The following SLC9A9 variants were observed in gnomAD, a reference collection of about 807,000 sequenced individuals.
The protein encoded by SLC9A9 is sodium/hydrogen exchanger 9.
A neutral mutation model predicts 77.8 loss-of-function variants in SLC9A9; 62 were observed. The ratio of observed to expected loss-of-function variants is 0.80; its 90% confidence interval spans 0.65 to 0.98. SLC9A9 has a LOEUF of 0.98. Ranked by LOEUF, SLC9A9 falls within the 50% of genes least tolerant of loss-of-function variation. The pLI is 0.00. For synonymous variants in SLC9A9, 320 were observed against 283.5 expected (o/e 1.13, Z -1.29); for missense variants, 775 against 774.9 (o/e 1.00, Z 0.00).
chr3:143,800,201 C>A (rs2008513313), intron 2 of SLC9A9, among the ~76,000 whole-genome samples: 1 of 152,164 alleles, frequency 6.6e-6, no homozygotes, highest in Non-Finnish European at 1.5e-5. Context: ...CCTCTGCTCC[C>A]TCCTTGGTGA....
At chr3:143,785,912 A>G (rs1202248545) in intron 4 of SLC9A9, among the ~76,000 whole-genome samples, 2 of 135,620 alleles carry the variant, frequency 1.5e-5, no homozygotes, top group Non-Finnish European at 3.1e-5. Flanking sequence ...GCTGGAGTGC[A>G]GTGGCGCGAT....
intron 6 of SLC9A9, among the ~76,000 whole-genome samples, chr3:143,581,726 G>A (rs1165624500): frequency 1.3e-5 from 2 of 152,162 alleles, no homozygotes; most frequent in African/African-American, 4.8e-5. Flanking sequence ...CTAACTATAA[G>A]GACAACAGGA....
At chr3:143,302,568 C>T (rs1465267384) in intron 14 of SLC9A9, among the ~76,000 whole-genome samples, 3 of 151,738 alleles carry the variant, frequency 2.0e-5, no homozygotes, top group Non-Finnish European at 4.4e-5. Context: ...CTGAAACAGC[C>T]AGATAAGAAG....
rs557367217 is a variant in SLC9A9, at chr3:143,772,089, C to T, written c.533+22912G>A. On this transcript the variant is annotated intron_variant, in intron 4 of 15. Transcript: ENST00000316549. ...CAATGGGAGGGGGGTGAGCAGAATGCTTCCCACTGCCTGAGAGTGGCACAG... is the reference window on the plus strand; with the variant it reads ...CAATGGGAGGGGGGTGAGCAGAATGTTTCCCACTGCCTGAGAGTGGCACAG... Among the ~76,000 whole-genome samples, 23 of 149,920 alleles carry T rather than the reference C, an allele frequency of 1.5e-4. No individual in the cohort carries two copies. In the East Asian group the frequency reaches 4.2e-3, roughly 27 times the overall value.
intron 1 of SLC9A9, chr3:143,847,447 T>C (rs780250225): frequency 6.6e-6 from 1 of 152,206 alleles, no homozygotes; most frequent in Non-Finnish European, 1.5e-5. Flanking sequence ...GAAAGAGCAA[T>C]ACTGCAGGTG....
chr3:143,723,145 C>A lies in SLC9A9; in HGVS notation c.534-29838G>T, dbSNP rs74775287. Among the ~76,000 whole-genome samples the A allele has an allele frequency of 1.5e-3, 231 of 152,194 alleles. 5 individuals are homozygous for A. In the East Asian group the frequency reaches 0.04, roughly 26 times the overall value. ...AAACCCAACAACACATAAATCTGCTCTGAGTTTCAGCATCTGCCTTCTTTA... is the reference window on the plus strand; with the variant it reads ...AAACCCAACAACACATAAATCTGCTATGAGTTTCAGCATCTGCCTTCTTTA... On this transcript the variant is annotated intron_variant, in intron 4 of 15. Coordinates refer to ENST00000316549, the MANE Select transcript of SLC9A9 (RefSeq NM_173653.4).
chr3:143,668,063 G>A (rs1055940555), intron 5 of SLC9A9, among the ~76,000 whole-genome samples: 3 of 151,742 alleles, frequency 2.0e-5, no homozygotes, highest in African/African-American at 7.3e-5. Context: ...ATTCACAATC[G>A]CAGACTTGGA....
intron 4 of SLC9A9, among the ~76,000 whole-genome samples, chr3:143,749,861 C>T (rs2006655833): frequency 6.6e-6 from 1 of 152,148 alleles, no homozygotes; most frequent in Non-Finnish European, 1.5e-5. Flanking sequence ...AAATCAGGAA[C>T]AAAAGGAAAG....
chr3:143,569,498 G>T (rs890396341), intron 8 of SLC9A9, among the ~76,000 whole-genome samples: 1 of 151,960 alleles, frequency 6.6e-6, no homozygotes, highest in African/African-American at 2.4e-5. Context: ...AATTCCAGTT[G>T]GTTTCTGATG....
intron 6 of SLC9A9, among the ~76,000 whole-genome samples, chr3:143,628,172 T>C (rs1178522421): frequency 6.6e-6 from 1 of 152,074 alleles, no homozygotes; most frequent in African/African-American, 2.4e-5. Flanking sequence ...GACAGCTAGA[T>C]GGAGGATGGA....
rs896292382 is a variant in SLC9A9 at position 143,822,713 on chromosome 3, A to G, written c.378+9306T>C. On this transcript the variant is annotated intron_variant, in intron 2 of 15. Coordinates refer to ENST00000316549, the MANE Select transcript of SLC9A9 (RefSeq NM_173653.4). ...AAATGTGCACTCTTGCCACAGTTTA[A>G]TATTTTAGAAGGAACAAAGCAATGG... 2.0e-5 allele frequency among the ~76,000 whole-genome samples: 3 copies of G among 152,378 alleles called. No individual in the cohort carries two copies. The East Asian group carries it at 5.8e-4, about 29-fold the overall frequency.
At chr3:143,757,816 C>T (rs2006974457) in intron 4 of SLC9A9, among the ~76,000 whole-genome samples, 1 of 151,900 alleles carries the variant, frequency 6.6e-6, no homozygotes, top group Non-Finnish European at 1.5e-5. Flanking sequence ...CTTTGTCTTA[C>T]ACTGGATTAG....
intron 2 of SLC9A9, among the ~76,000 whole-genome samples, chr3:143,800,181 G>C (rs1040006447): frequency 6.6e-6 from 1 of 151,928 alleles, no homozygotes; most frequent in African/African-American, 2.4e-5. Context: ...TAATCCACAG[G>C]TATGGGACAC....
At chr3:143,626,061 A>G (rs1171973941) in intron 6 of SLC9A9, among the ~76,000 whole-genome samples, 1 of 152,228 alleles carries the variant, frequency 6.6e-6, no homozygotes, top group Non-Finnish European at 1.5e-5. Context: ...CAAAACCACA[A>G]TGAGATACCA....
chr3:143,635,039 C>T (rs996358443), intron 6 of SLC9A9, among the ~76,000 whole-genome samples: 2 of 152,082 alleles, frequency 1.3e-5, no homozygotes, highest in African/African-American at 2.4e-5. Context: ...CTTAAAATAA[C>T]AATCAGTTAT....
chr3:143,374,617 A>T (rs766190596), intron 13 of SLC9A9, among the ~76,000 whole-genome samples: 90 of 151,882 alleles, frequency 5.9e-4, no homozygotes, highest in Middle Eastern at 3.4e-3. Context: ...TTTATGTTAA[A>T]TTTTTAAATT....
At chr3:143,525,958 A>T (rs571083470) in intron 9 of SLC9A9, among the ~76,000 whole-genome samples, 1 of 152,362 alleles carries the variant, frequency 6.6e-6, no homozygotes, top group Non-Finnish European at 1.5e-5. Flanking sequence ...ACTGGAAGGA[A>T]AAAAATGTCA....
intron 4 of SLC9A9, among the ~76,000 whole-genome samples, chr3:143,776,414 G>T (rs1424163154): frequency 3.9e-5 from 6 of 152,146 alleles, no homozygotes; most frequent in Non-Finnish European, 5.9e-5. Context: ...TGATACAGTG[G>T]AGTTATAAAC....
intron 13 of SLC9A9, among the ~76,000 whole-genome samples, chr3:143,364,520 A>G (rs2032844520): frequency 6.6e-6 from 1 of 152,156 alleles, no homozygotes; most frequent in South Asian, 2.1e-4. Flanking sequence ...ATGAAAGTCT[A>G]CTGGATGCTC....
Sources: allele counts gnomAD v4.1 joint callset (sites outside exome capture counted in the v4.1 genomes callset), GRCh38; gene constraint gnomAD v4.1.1; transcripts MANE v1.5; gene names NCBI Gene and HGNC (gene_info 2026-07-23, HGNC 2026-07-21).